Variants in ARHGEF4 observed in about 807,000 individuals in gnomAD.
ARHGEF4 encodes APC-stimulated guanine nucleotide exchange factor 1.
In ARHGEF4, 119 loss-of-function variants were observed where a neutral mutation model predicts 162.0. The ratio of observed to expected loss-of-function variants is 0.73; its 90% CI spans 0.63 to 0.86. The LOEUF is 0.86. ARHGEF4 is among the 40% of genes least tolerant of loss of function. The pLI, the probability that ARHGEF4 is intolerant of heterozygous loss-of-function variation, is 0.00. For synonymous variants in ARHGEF4, 1,014 were observed against 979.9 expected (o/e 1.03, Z -0.65); for missense variants, 2,488 against 2,456.0 (o/e 1.01, Z -0.28).
intron 4 of ARHGEF4, among the ~76,000 whole-genome samples, chr2:131,011,037 G>A (rs1688415765): frequency 6.6e-6 from 1 of 152,200 alleles, no homozygotes; most frequent in South Asian, 2.1e-4. Flanking sequence ...ACAGGACTTA[G>A]GGTTGTGTCT....
rs545453241 is a variant in ARHGEF4, at chr2:131,010,536, T to C, written c.3986-17409T>C. Among the ~76,000 whole-genome samples, 68 of 152,314 alleles carry C rather than the reference T, an allele frequency of 4.5e-4. 1 individual carries two copies. In the South Asian group the frequency reaches 4.8e-3, roughly 11 times the overall value. On this transcript the variant is annotated intron_variant, in intron 4 of 13. Transcript: ENST00000409359. ...TTTTTTTACATTCTCTGACGTGAAATTAGGTTTTGGATGACGCTAATGGCC... is the reference window on the plus strand; with the variant it reads ...TTTTTTTACATTCTCTGACGTGAAACTAGGTTTTGGATGACGCTAATGGCC...
At chr2:130,902,244 C>T (rs1680526300) in intron 1 of ARHGEF4, among the ~76,000 whole-genome samples, 1 of 148,280 alleles carries the variant, frequency 6.7e-6, no homozygotes, top group Non-Finnish European at 1.5e-5. Context: ...CCCTCCCTCT[C>T]TCCTTCCCTC....
chr2:131,045,826 C>T (rs1258071198), intron 13 of ARHGEF4: 2 of 1,437,858 alleles, frequency 1.4e-6, no homozygotes, highest in African/African-American at 1.4e-5. Flanking sequence ...CCTCTTCAGG[C>T]TGCTGCAGGA....
chr2:130,883,620 G>A (rs751924791), intron 1 of ARHGEF4, among the ~76,000 whole-genome samples: 1 of 152,094 alleles, frequency 6.6e-6, no homozygotes, highest in Non-Finnish European at 1.5e-5. Flanking sequence ...GAATGGAGTC[G>A]CCTGGACCTG....
At chr2:130,847,345 G>A (rs1002424825) in intron 1 of ARHGEF4, among the ~76,000 whole-genome samples, 1 of 152,216 alleles carries the variant, frequency 6.6e-6, no homozygotes, top group Admixed American at 6.5e-5. Context: ...AGAGGAGGCC[G>A]GGGGAAATTA....
intron 1 of ARHGEF4, among the ~76,000 whole-genome samples, chr2:130,897,182 G>T (rs567960170): frequency 1.3e-5 from 2 of 152,140 alleles, no homozygotes. Context: ...AACCAACAGC[G>T]CACACAGTAA....
At chr2:131,029,551 C>CTT (rs70994734) in intron 5 of ARHGEF4, among the ~76,000 whole-genome samples, 50 of 141,080 alleles carry the variant, frequency 3.5e-4, no homozygotes, top group African/African-American at 1.2e-3. Flanking sequence ...TGTGCTTTTC[C>CTT]TTTTTTTTTT....
rs1289087580 is a variant in ARHGEF4, at chr2:131,043,315, C to T, written c.5026-137C>T. On this transcript the variant is annotated intron_variant, in intron 10 of 13. Coordinates refer to ENST00000409359, the MANE Select transcript of ARHGEF4 (RefSeq NM_001367493.1). ...GCCAGACGTGCCACCTCTTCCTCCC[C>T]CTCCCACCATGGCCTGGCCAGGTGG... 4 of 1,175,158 alleles carry T rather than the reference C, an allele frequency of 3.4e-6. No homozygotes were observed. The South Asian group carries it at 4.3e-5, about 13-fold the overall frequency. 72.8% of individuals were successfully genotyped at this position (1,175,158 alleles called of 1,614,324 possible).
intron 1 of ARHGEF4, among the ~76,000 whole-genome samples, chr2:130,848,376 C>T (rs1681148111): frequency 6.6e-6 from 1 of 152,216 alleles, no homozygotes; most frequent in Non-Finnish European, 1.5e-5. Context: ...GAGTCCAGGC[C>T]CGTGCTGGGT....
At chr2:130,984,094 A>G (rs1298363750) in intron 4 of ARHGEF4, among the ~76,000 whole-genome samples, 1 of 152,254 alleles carries the variant, frequency 6.6e-6, no homozygotes, top group East Asian at 1.9e-4. Flanking sequence ...ATAGCAATAC[A>G]AACATACTGG....
rs1293049341 is a variant in ARHGEF4 at position 131,041,336 on chromosome 2, C to A, written c.4769C>A (p.Ala1590Asp). Reference sequence around the variant, plus strand: ...AGCAAGTACGTGTACTTCTTCGAGGCCTGCCGGCTGCTGCAGAAGATGATT... The same window carrying A: ...AGCAAGTACGTGTACTTCTTCGAGGACTGCCGGCTGCTGCAGAAGATGATT... ...KLSKYVYFFE[A>D]CRLLQKMIDI... The change falls in exon 9 of 14, where the codon GCC becomes GAC. Residue 1590 changes from alanine to aspartate, a missense_variant. Ala to Asp is a moderately radical substitution (Grantham distance 126). Transcript: ENST00000409359. The A allele has an allele frequency of 6.8e-6, 11 of 1,613,776 alleles. No homozygotes were observed. The highest frequency in any genetic ancestry group is 9.3e-6 in the Non-Finnish European group (11 of 1,180,034).
chr2:131,032,836 C>CTTTTCTTTTCTTTTCTTTTCTTTTCTT (rs1379351059), intron 5 of ARHGEF4, among the ~76,000 whole-genome samples: 48 of 142,634 alleles, frequency 3.4e-4, no homozygotes, highest in African/African-American at 1.4e-3. Flanking sequence ...CTTTTCTTTT[C>CTTTTCTTTTCTTTTCTTTTCTTTTCTT]TTTTCTTTTT....
chr2:130,867,048 T>C (rs575695136), intron 1 of ARHGEF4, among the ~76,000 whole-genome samples: 1 of 152,154 alleles, frequency 6.6e-6, no homozygotes, highest in African/African-American at 2.4e-5. Context: ...TTAATAGATA[T>C]AGGCCTTCCT....
At chr2:130,906,129 T>G (rs1017559239) in intron 1 of ARHGEF4, among the ~76,000 whole-genome samples, 3 of 152,206 alleles carry the variant, frequency 2.0e-5, no homozygotes, top group Admixed American at 2.0e-4. Flanking sequence ...ATTCCATATT[T>G]TTTGGCACCA....
chr2:131,016,143 C>T (rs916292612), intron 4 of ARHGEF4, among the ~76,000 whole-genome samples: 1 of 152,164 alleles, frequency 6.6e-6, no homozygotes, highest in Non-Finnish European at 1.5e-5. Flanking sequence ...TTGCCTGGAA[C>T]ACTCTTCACC....
intron 1 of ARHGEF4, among the ~76,000 whole-genome samples, chr2:130,843,200 A>G (rs975342020): frequency 4.6e-5 from 7 of 152,142 alleles, no homozygotes; most frequent in Non-Finnish European, 8.8e-5. Flanking sequence ...CTCATGGTGT[A>G]TGACTGAGAA....
chr2:131,020,082 T>G (rs1436216930), intron 4 of ARHGEF4, among the ~76,000 whole-genome samples: 1 of 152,238 alleles, frequency 6.6e-6, no homozygotes, highest in African/African-American at 2.4e-5. Context: ...CTTTAATAAT[T>G]TTATTGTGGA....
intron 1 of ARHGEF4, among the ~76,000 whole-genome samples, chr2:130,902,515 A>C (rs1035664842): frequency 2.0e-5 from 3 of 149,676 alleles, no homozygotes. Flanking sequence ...AATCGCTTGA[A>C]CCTGGGAGGC....
intron 1 of ARHGEF4, among the ~76,000 whole-genome samples, chr2:130,899,216 T>A (rs1246282795): frequency 6.6e-6 from 1 of 152,188 alleles, no homozygotes; most frequent in Non-Finnish European, 1.5e-5. Context: ...CTTCATAACA[T>A]AACATATTCA....
Sources: gnomAD v4.1 joint callset for allele counts (sites outside exome capture counted in the v4.1 genomes callset) on GRCh38, gnomAD v4.1.1 for gene constraint, MANE v1.5 for transcripts, NCBI Gene and HGNC (gene_info 2026-07-23, HGNC 2026-07-21) for gene names.